EPB41L4A: variants seen among roughly 807,000 people sequenced by gnomAD.
EPB41L4A encodes erythrocyte membrane protein band 4.1 like 4A.
In EPB41L4A, 100 loss-of-function variants were observed where a neutral mutation model predicts 108.6. The observed-to-expected ratio is 0.92, with a 90% CI of 0.78 to 1.09. The LOEUF (loss-of-function observed/expected upper bound fraction) is 1.09. Ranked by LOEUF, EPB41L4A falls within the 50% of genes least tolerant of loss-of-function variation. The pLI is 0.00. For missense variants in EPB41L4A, 1,030 were observed against 842.7 expected, an observed-to-expected ratio of 1.22 and a Z score of -2.75; for synonymous variants, 319 against 289.0, an observed-to-expected ratio of 1.10 and a Z score of -1.05.
intron 1 of EPB41L4A, among the ~76,000 whole-genome samples, chr5:112,399,701 T>G (rs1580833617): frequency 6.6e-6 from 1 of 152,180 alleles, no homozygotes; most frequent in African/African-American, 2.4e-5. Flanking sequence ...CTTCTCTGCT[T>G]TGACCTATCA....
chr5:112,352,558 A>G (rs936036743), intron 1 of EPB41L4A, among the ~76,000 whole-genome samples: 1 of 152,228 alleles, frequency 6.6e-6, no homozygotes, highest in African/African-American at 2.4e-5. Context: ...GAATCAGTCT[A>G]TATCTTAAGT....
chr5:112,224,294 AAAG>A (rs1389738703), intron 12 of EPB41L4A, among the ~76,000 whole-genome samples: 5 of 152,176 alleles, frequency 3.3e-5, no homozygotes, highest in African/African-American at 1.2e-4. Flanking sequence ...CCAAACACAA[AAAG>A]TACTGTGTAT....
At chr5:112,193,317 T>C (rs1471841652) in intron 17 of EPB41L4A, among the ~76,000 whole-genome samples, 1 of 152,192 alleles carries the variant, frequency 6.6e-6, no homozygotes, top group East Asian at 1.9e-4. Flanking sequence ...TTTTTTTCTA[T>C]ATGAGATGAA....
intron 1 of EPB41L4A, among the ~76,000 whole-genome samples, chr5:112,336,312 A>C (rs1404505698): frequency 6.6e-6 from 1 of 152,188 alleles, no homozygotes; most frequent in Non-Finnish European, 1.5e-5. Context: ...AAAAAGCTTC[A>C]AAGTGGGCTG....
chr5:112,199,929 T>C (rs1237637235), intron 15 of EPB41L4A, among the ~76,000 whole-genome samples: 1 of 152,214 alleles, frequency 6.6e-6, no homozygotes, highest in Non-Finnish European at 1.5e-5. Flanking sequence ...CTTCTGCTAC[T>C]ACCCACTTTC....
At chr5:112,286,046 T>A (rs533363900) in intron 2 of EPB41L4A, among the ~76,000 whole-genome samples, 39 of 152,140 alleles carry the variant, frequency 2.6e-4, no homozygotes, top group Non-Finnish European at 5.6e-4. Flanking sequence ...CAACTTAAAT[T>A]TCAAGATTCT....
downstream of EPB41L4A, among the ~76,000 whole-genome samples, chr5:112,141,964 G>T (rs2112774805): frequency 6.6e-6 from 1 of 152,294 alleles, no homozygotes; most frequent in South Asian, 2.1e-4. Context: ...AAGAATAAAT[G>T]TAACACTCAG....
intron 9 of EPB41L4A, among the ~76,000 whole-genome samples, chr5:112,257,745 C>T (rs1263333198): frequency 6.6e-6 from 1 of 152,126 alleles, no homozygotes; most frequent in Non-Finnish European, 1.5e-5. Context: ...TTCCATAAGT[C>T]TTTTGATTAT....
At chr5:112,253,708 GGAGA>G (rs1750856794) in intron 9 of EPB41L4A, among the ~76,000 whole-genome samples, 1 of 152,114 alleles carries the variant, frequency 6.6e-6, no homozygotes, top group African/African-American at 2.4e-5. Flanking sequence ...GTGTGTGTAT[GGAGA>G]GAAAGAAGGC....
intron 12 of EPB41L4A, among the ~76,000 whole-genome samples, chr5:112,229,025 A>G (rs11741200): frequency 0.26 from 39,898 of 152,150 alleles, 5,698 homozygotes; most frequent in African/African-American, 0.37. Flanking sequence ...TTTTAAACTT[A>G]CAGACAACTG....
intron 3 of EPB41L4A, among the ~76,000 whole-genome samples, chr5:112,276,105 C>G (rs187586403): frequency 3.2e-4 from 49 of 152,270 alleles, no homozygotes; most frequent in Middle Eastern, 6.8e-3. Flanking sequence ...CTTATGATAA[C>G]TCTTACCTTT....
chr5:112,215,027 G>A (rs532387149), intron 12 of EPB41L4A, among the ~76,000 whole-genome samples: 1 of 152,264 alleles, frequency 6.6e-6, no homozygotes, highest in Non-Finnish European at 1.5e-5. Flanking sequence ...CCACATGGCT[G>A]CCAGAACAGT....
intron 4 of EPB41L4A, among the ~76,000 whole-genome samples, chr5:112,272,810 G>C (rs1752362285): frequency 6.9e-6 from 1 of 144,954 alleles, no homozygotes; most frequent in Non-Finnish European, 1.5e-5. Flanking sequence ...GACTGGGTTA[G>C]ATGGCGAAAG....
intron 12 of EPB41L4A, among the ~76,000 whole-genome samples, chr5:112,217,611 T>C (rs868069439): frequency 6.6e-6 from 1 of 152,082 alleles, no homozygotes; most frequent in South Asian, 2.1e-4. Flanking sequence ...GGCAGGAGGA[T>C]TGTTTGAACT....
chr5:112,216,062 C>T (rs1747614934), intron 12 of EPB41L4A, among the ~76,000 whole-genome samples: 1 of 152,224 alleles, frequency 6.6e-6, no homozygotes, highest in Non-Finnish European at 1.5e-5. Flanking sequence ...CATCAGACCA[C>T]TACCAGTCCT....
intron 1 of EPB41L4A, among the ~76,000 whole-genome samples, chr5:112,326,943 C>G (rs1311740697): frequency 6.6e-6 from 1 of 152,186 alleles, no homozygotes; most frequent in Non-Finnish European, 1.5e-5. Context: ...ACCTACCAAT[C>G]ACACTGTGCT....
Position 112,227,239 on chromosome 5 carries a change from T to C in EPB41L4A, c.1087+7395A>G, listed in dbSNP as rs139210280. Among the ~76,000 whole-genome samples the C allele has an allele frequency of 5.4e-3, 816 of 152,288 alleles. 5 individuals are homozygous for C. The highest frequency in any genetic ancestry group is 0.017 in the Middle Eastern group (5 of 294). On this transcript the variant is annotated intron_variant, in intron 12 of 22. Transcript: ENST00000261486. ...CCTTTCCAAGCCCCTCTCACTGTAC[T>C]TGAATGGCCTCTCCTTACCCCTCAC... is the stretch of plus-strand genomic sequence containing the variant.
chr5:112,206,705 GA>G (rs1762490602), intron 13 of EPB41L4A, among the ~76,000 whole-genome samples: 1 of 152,156 alleles, frequency 6.6e-6, no homozygotes. Flanking sequence ...AAAAGTTAAA[GA>G]ATAATAAAAT....
chr5:112,397,496 G>A (rs1761438440), intron 1 of EPB41L4A, among the ~76,000 whole-genome samples: 1 of 152,092 alleles, frequency 6.6e-6, no homozygotes. Context: ...AGTGGCAGAT[G>A]CAATATGAAT....
Sources: gnomAD v4.1 joint callset for allele counts (sites outside exome capture counted in the v4.1 genomes callset) on GRCh38, gnomAD v4.1.1 for gene constraint, MANE v1.5 for transcripts, NCBI Gene and HGNC (gene_info 2026-07-23, HGNC 2026-07-21) for gene names.